Variants in CLASP1 observed in about 807,000 individuals in gnomAD.
The protein encoded by CLASP1 is cytoplasmic linker associated protein 1, also known as CLIP-associating protein 1.
In CLASP1, 38 loss-of-function variants were observed where a neutral mutation model predicts 192.3. That is an observed-to-expected ratio of 0.20 (90% CI 0.15 to 0.26). The LOEUF (loss-of-function observed/expected upper bound fraction) is 0.26. Among genes scored for constraint, CLASP1 ranks in the 10% least tolerant of loss-of-function variants. CLASP1 has a pLI of 1.00. For synonymous variants in CLASP1, 691 were observed against 712.8 expected, an observed-to-expected ratio of 0.97 and a Z score of 0.49; for missense variants, 1,433 against 1,932.5, an observed-to-expected ratio of 0.74 and a Z score of 4.85.
At chr2:121,485,120 G>A (rs1464147605) in intron 8 of CLASP1, among the ~76,000 whole-genome samples, 1 of 152,186 alleles carries the variant, frequency 6.6e-6, no homozygotes, top group East Asian at 1.9e-4. Flanking sequence ...TATGCTGTAG[G>A]CCTTTTACCA....
At chr2:121,515,277 C>A (rs916241924) in intron 7 of CLASP1, among the ~76,000 whole-genome samples, 5 of 152,194 alleles carry the variant, frequency 3.3e-5, no homozygotes, top group Non-Finnish European at 7.3e-5. Context: ...TATCCAAACA[C>A]ATTCTGGAAT....
At chr2:121,503,977 T>C (rs1250449476) in intron 7 of CLASP1, 1 of 152,100 alleles carries the variant, frequency 6.6e-6, no homozygotes, top group East Asian at 1.9e-4. Flanking sequence ...ATTACTGTAA[T>C]CCCAGCACTT....
intron 2 of CLASP1, among the ~76,000 whole-genome samples, chr2:121,533,227 A>G (rs1459416784): frequency 6.6e-6 from 1 of 152,172 alleles, no homozygotes; most frequent in African/African-American, 2.4e-5. Context: ...AGCCCCAGAG[A>G]AATAGGACAG....
At chr2:121,462,418 G>A (rs2088277499) in intron 10 of CLASP1, 114 bp downstream of exon 10, 1 of 616,592 alleles carries the variant, frequency 1.6e-6, no homozygotes, top group Non-Finnish European at 2.9e-6. Context: ...CTGTAGTGCT[G>A]ACAGTTAAAA....
chr2:121,581,740 C>T (rs1174483337), intron 2 of CLASP1, among the ~76,000 whole-genome samples: 1 of 152,152 alleles, frequency 6.6e-6, no homozygotes, highest in Admixed American at 6.5e-5. Context: ...TTAAAATTAG[C>T]TGATCAGGGT....
chr2:121,430,456 A>G (rs1315693213), intron 19 of CLASP1, among the ~76,000 whole-genome samples: 3 of 152,386 alleles, frequency 2.0e-5, no homozygotes, highest in African/African-American at 7.2e-5. Flanking sequence ...CTATTTTAGT[A>G]TGTTATCTCT....
chr2:121,620,202 C>G (rs1167258058), intron 1 of CLASP1, among the ~76,000 whole-genome samples: 1 of 147,660 alleles, frequency 6.8e-6, no homozygotes, highest in East Asian at 2.0e-4. Context: ...GCCTGGGCAA[C>G]AGAGCGAGAT....
chr2:121,454,082 G>A (rs931909289), intron 14 of CLASP1, among the ~76,000 whole-genome samples: 3 of 152,092 alleles, frequency 2.0e-5, no homozygotes, highest in Non-Finnish European at 4.4e-5. Flanking sequence ...TAACTGTAGG[G>A]TGCTACTCAT....
At chr2:121,371,321 C>G (rs2068663334) in intron 34 of CLASP1, among the ~76,000 whole-genome samples, 1 of 151,990 alleles carries the variant, frequency 6.6e-6, no homozygotes, top group Non-Finnish European at 1.5e-5. Flanking sequence ...GCCTCAAACT[C>G]CTAGGCTTAA....
intron 2 of CLASP1, among the ~76,000 whole-genome samples, chr2:121,578,422 CAAAAAAAAA>C (rs70954557): frequency 3.0e-5 from 2 of 65,728 alleles, no homozygotes; most frequent in Non-Finnish European, 6.0e-5. Flanking sequence ...AGACTATCTC[CAAAAAAAAA>C]AAAAAAAAAA....
chr2:121,431,771 T>G (rs957846929), intron 19 of CLASP1, among the ~76,000 whole-genome samples: 3 of 150,832 alleles, frequency 2.0e-5, no homozygotes, highest in African/African-American at 7.3e-5. Flanking sequence ...TGTAAATACA[T>G]GTTTTCACAA....
intron 1 of CLASP1, among the ~76,000 whole-genome samples, chr2:121,648,158 A>G (rs2073517597): frequency 2.0e-5 from 3 of 152,260 alleles, no homozygotes; most frequent in Admixed American, 2.0e-4. Flanking sequence ...GCCAATATCC[A>G]GGATCCCTCA....
chr2:121,469,797 C>A lies in CLASP1; in HGVS notation c.865+11G>T. ...GCTGACCCCAGAACGCCACACAGGG[C>A]TTAGACTAACCTGAAGACTTGGATC... On this transcript the variant is annotated intron_variant, in intron 9 of 39. Transcript: ENST00000263710. 1 of 1,608,376 alleles carries A rather than the reference C, an allele frequency of 6.2e-7. No homozygotes were observed. The highest frequency in any genetic ancestry group is 1.1e-5 in the South Asian group (1 of 90,528).
chr2:121,483,419 T>TGAGA (rs907578816), intron 8 of CLASP1, among the ~76,000 whole-genome samples: 8 of 151,580 alleles, frequency 5.3e-5, no homozygotes, highest in Admixed American at 2.6e-4. Context: ...AGCAAATATC[T>TGAGA]GAGAGAGAGA....
intron 20 of CLASP1, among the ~76,000 whole-genome samples, chr2:121,429,449 G>A (rs1329915706): frequency 2.0e-5 from 3 of 152,204 alleles, no homozygotes; most frequent in Admixed American, 2.0e-4. Flanking sequence ...GTTTATGTGT[G>A]GCTGGAAAGT....
At chr2:121,502,556 A>C (rs2093789326) in intron 8 of CLASP1, among the ~76,000 whole-genome samples, 1 of 152,242 alleles carries the variant, frequency 6.6e-6, no homozygotes, top group African/African-American at 2.4e-5. Context: ...GGAGATGCTC[A>C]GAATGTTCAA....
chr2:121,515,748 T>C, exon 7 of CLASP1: 1 of 1,613,886 alleles, frequency 6.2e-7, no homozygotes, highest in East Asian at 2.2e-5. Flanking sequence ...AGCTGTTTAT[T>C]GCTGCATCTC....
intron 7 of CLASP1, among the ~76,000 whole-genome samples, 164 bp from the exon 8 acceptor site, chr2:121,503,398 C>CCAA (rs796229082): frequency 3.0e-4 from 46 of 152,274 alleles, no homozygotes; most frequent in African/African-American, 9.9e-4. Flanking sequence ...TTAACAATAG[C>CCAA]CAACAATAAC....
At chr2:121,628,318 TC>T (rs1388530915) in intron 1 of CLASP1, among the ~76,000 whole-genome samples, 1 of 152,140 alleles carries the variant, frequency 6.6e-6, no homozygotes, top group Admixed American at 6.5e-5. Context: ...AACATGGTTT[TC>T]CTTAAAATAT....
Sources: gnomAD v4.1 joint callset for allele counts (sites outside exome capture counted in the v4.1 genomes callset) on GRCh38, gnomAD v4.1.1 for gene constraint, MANE v1.5 for transcripts, NCBI Gene and HGNC (gene_info 2026-07-23, HGNC 2026-07-21) for gene names.